MARCHF1: variants seen among roughly 807,000 people sequenced by gnomAD.
MARCHF1 encodes E3 ubiquitin-protein ligase MARCHF1.
Under a neutral mutation model 54.2 loss-of-function variants are expected in MARCHF1, and 40 were observed. The ratio of observed to expected loss-of-function variants is 0.74; its 90% confidence interval spans 0.57 to 0.96. MARCHF1 has a LOEUF of 0.96. MARCHF1 is among the 40% of genes least tolerant of loss of function. The pLI, the probability that MARCHF1 is intolerant of heterozygous loss-of-function variation, is 0.00. For missense variants in MARCHF1, 586 were observed against 656.5 expected (o/e 0.89, Z 1.17); for synonymous variants, 236 against 236.3 (o/e 1.00, Z 0.01).
At chr4:164,168,850 T>C (rs1730449900) in intron 1 of MARCHF1, among the ~76,000 whole-genome samples, 1 of 152,104 alleles carries the variant, frequency 6.6e-6, no homozygotes, top group African/African-American at 2.4e-5. Flanking sequence ...AAGTTGATTA[T>C]GACATCTTTT....
At chr4:164,362,971 A>G (rs1188986792) in intron 1 of MARCHF1, among the ~76,000 whole-genome samples, 1 of 152,176 alleles carries the variant, frequency 6.6e-6, no homozygotes, top group Non-Finnish European at 1.5e-5. Context: ...ATTAGAATAC[A>G]TAAGCTCTTG....
chr4:163,718,906 T>C (rs537688000), intron 4 of MARCHF1, among the ~76,000 whole-genome samples: 1 of 152,300 alleles, frequency 6.6e-6, no homozygotes, highest in East Asian at 1.9e-4. Flanking sequence ...TTGTGTTGAT[T>C]GGTGAGGACT....
chr4:164,100,051 C>A (rs4691110), intron 2 of MARCHF1, among the ~76,000 whole-genome samples: 127,689 of 152,104 alleles, frequency 0.84, 54,102 homozygotes, highest in Non-Finnish European at 0.89. Context: ...CTCTAACTGA[C>A]AAGAAACTGA....
Position 163,856,267 on chromosome 4 carries a change from T to C in MARCHF1, c.-38-2098A>G, listed in dbSNP as rs932428325. Among the ~76,000 whole-genome samples, 3 of 152,228 alleles carry C rather than the reference T, an allele frequency of 2.0e-5. 1 individual carries two copies. The East Asian group carries it at 5.8e-4, about 29-fold the overall frequency. ...GCATATAACTGTCATTATCTTATTT[T>C]AGGATTATTAGCTAGGCTAAATAAT... On this transcript the variant is annotated intron_variant, in intron 3 of 9. Transcript: ENST00000514618.
chr4:164,358,352 A>C (rs1402395239), intron 1 of MARCHF1, among the ~76,000 whole-genome samples: 1 of 152,300 alleles, frequency 6.6e-6, no homozygotes, highest in South Asian at 2.1e-4. Context: ...GAAAGTCACT[A>C]GTCAACTTAT....
At chr4:163,607,111 T>G (rs1443142999) in intron 7 of MARCHF1, among the ~76,000 whole-genome samples, 1 of 152,104 alleles carries the variant, frequency 6.6e-6, no homozygotes, top group East Asian at 1.9e-4. Context: ...GAGAACCACA[T>G]TGTTTCTGGA....
intron 1 of MARCHF1, among the ~76,000 whole-genome samples, chr4:164,317,044 GAACT>G (rs561492448): frequency 4.3e-4 from 65 of 152,200 alleles, no homozygotes; most frequent in African/African-American, 8.4e-4. Flanking sequence ...GTGTGAGAAT[GAACT>G]AATACAAAAA....
intron 3 of MARCHF1, among the ~76,000 whole-genome samples, chr4:163,964,928 T>C (rs187862636): frequency 1.9e-3 from 291 of 152,154 alleles, no homozygotes; most frequent in African/African-American, 6.8e-3. Context: ...CTGAAATAAA[T>C]AGTTGGTATC....
chr4:163,614,310 A>G (rs1741443469), intron 5 of MARCHF1, among the ~76,000 whole-genome samples: 1 of 152,090 alleles, frequency 6.6e-6, no homozygotes, highest in African/African-American at 2.4e-5. Context: ...CTCACAATAA[A>G]TCTTTGTAGT....
chr4:163,832,054 T>C (rs1749040096), intron 4 of MARCHF1, among the ~76,000 whole-genome samples: 1 of 152,148 alleles, frequency 6.6e-6, no homozygotes. Flanking sequence ...TCAAAGTAGA[T>C]AAACAAATTA....
At chr4:163,776,249 T>G (rs939252477) in intron 4 of MARCHF1, among the ~76,000 whole-genome samples, 5 of 152,060 alleles carry the variant, frequency 3.3e-5, no homozygotes, top group African/African-American at 1.2e-4. Context: ...TTACGGTCAA[T>G]TAGTTACTAA....
intron 5 of MARCHF1, among the ~76,000 whole-genome samples, chr4:163,691,354 T>C (rs926107100): frequency 6.6e-6 from 1 of 152,234 alleles, no homozygotes; most frequent in Non-Finnish European, 1.5e-5. Flanking sequence ...ATGTTGGTGA[T>C]GGATGACAGC....
At chr4:164,291,181 T>A (rs1707145933) in intron 1 of MARCHF1, among the ~76,000 whole-genome samples, 1 of 151,976 alleles carries the variant, frequency 6.6e-6, no homozygotes, top group South Asian at 2.1e-4. Context: ...GTACAGTTTT[T>A]CTATCCTGAT....
chr4:164,084,140 T>A (rs1579519880), intron 2 of MARCHF1, among the ~76,000 whole-genome samples: 1 of 152,076 alleles, frequency 6.6e-6, no homozygotes, highest in South Asian at 2.1e-4. Context: ...AAAACTAGGA[T>A]ATTATAATAA....
chr4:163,561,672 T>C (rs1448548465), intron 8 of MARCHF1, among the ~76,000 whole-genome samples: 1 of 152,128 alleles, frequency 6.6e-6, no homozygotes, highest in Admixed American at 6.6e-5. Flanking sequence ...TGAAAAAGGA[T>C]GGAGGAAGAA....
At chr4:164,136,891 C>T (rs555444846) in intron 1 of MARCHF1, among the ~76,000 whole-genome samples, 4 of 152,082 alleles carry the variant, frequency 2.6e-5, no homozygotes, top group Admixed American at 6.5e-5. Flanking sequence ...AGGAAGAATG[C>T]GGTTTTGTGA....
At chr4:164,315,592 AGTC>A (rs1734975113) in intron 1 of MARCHF1, among the ~76,000 whole-genome samples, 2 of 152,192 alleles carry the variant, frequency 1.3e-5, no homozygotes, top group African/African-American at 4.8e-5. Flanking sequence ...CTAAATTAAT[AGTC>A]CATTTTATGA....
intron 1 of MARCHF1, among the ~76,000 whole-genome samples, chr4:164,315,166 G>A (rs1734962397): frequency 6.9e-6 from 1 of 144,586 alleles, no homozygotes; most frequent in South Asian, 2.3e-4. Context: ...TTAAAACCAA[G>A]TGAACAATGC....
intron 1 of MARCHF1, among the ~76,000 whole-genome samples, chr4:164,153,912 T>G (rs1416924033): frequency 6.6e-6 from 1 of 152,202 alleles, no homozygotes; most frequent in Non-Finnish European, 1.5e-5. Flanking sequence ...GTCTTAAGTT[T>G]ACTGTTAATG....
Sources: allele counts gnomAD v4.1 joint callset (sites outside exome capture counted in the v4.1 genomes callset), GRCh38; gene constraint gnomAD v4.1.1; transcripts MANE v1.5; gene names NCBI Gene and HGNC (gene_info 2026-07-23, HGNC 2026-07-21).